The following LRRC4C variants were observed in gnomAD, a reference collection of about 807,000 sequenced individuals.
LRRC4C encodes the protein leucine rich repeat containing 4C, also known as leucine-rich repeat-containing protein 4C.
In LRRC4C, 5 loss-of-function variants were observed where a neutral mutation model predicts 33.6. That is an observed-to-expected ratio of 0.15 (90% CI 0.08 to 0.31). The LOEUF is 0.31. Among genes scored for constraint, LRRC4C ranks in the 10% least tolerant of loss-of-function variants. The pLI, the probability that LRRC4C is intolerant of heterozygous loss-of-function variation, is 1.00. For synonymous variants in LRRC4C, 329 were observed against 302.0 expected (o/e 1.09, Z -0.93); for missense variants, 560 against 796.7 (o/e 0.70, Z 3.58).
chr11:40,119,247 C>T (rs1180369889), intron 6 of LRRC4C, among the ~76,000 whole-genome samples: 6 of 152,178 alleles, frequency 3.9e-5, no homozygotes, highest in East Asian at 1.9e-4. Context: ...CTGTAAGGAA[C>T]GTTGGTCTTA....
chr11:40,358,140 G>A (rs1426421812), intron 3 of LRRC4C, among the ~76,000 whole-genome samples: 2 of 151,990 alleles, frequency 1.3e-5, no homozygotes, highest in Non-Finnish European at 2.9e-5. Context: ...CTGAGATTGT[G>A]CCACTGCACT....
rs528269311 is a variant in LRRC4C at position 40,736,716 on chromosome 11, C to T, written c.-406-88438G>A. Among the ~76,000 whole-genome samples, 14 of 152,096 alleles carry T rather than the reference C, an allele frequency of 9.2e-5. 1 individual carries two copies. Among genetic ancestry groups the T allele is most frequent in the South Asian group, 6.2e-4 (3 of 4,826 alleles). ...TTAATGGTCATCATTTTAACTGGTGCGAGATAGTATCTCATTGTGTTTTGA... is the reference window on the plus strand; with the variant it reads ...TTAATGGTCATCATTTTAACTGGTGTGAGATAGTATCTCATTGTGTTTTGA... On this transcript the variant is annotated intron_variant, in intron 2 of 6. Transcript: ENST00000528697.
intron 5 of LRRC4C, among the ~76,000 whole-genome samples, chr11:40,144,234 C>T (rs975094524): frequency 3.9e-5 from 6 of 152,006 alleles, no homozygotes; most frequent in African/African-American, 7.3e-5. Flanking sequence ...ATAATGGAAA[C>T]GATAATTATC....
At chr11:40,943,285 G>A (rs1174741037) in intron 1 of LRRC4C, among the ~76,000 whole-genome samples, 1 of 152,112 alleles carries the variant, frequency 6.6e-6, no homozygotes, top group East Asian at 1.9e-4. Context: ...TCACACCTTA[G>A]TATAGAGGAG....
At chr11:40,468,195 A>C (rs1952748991) in intron 3 of LRRC4C, among the ~76,000 whole-genome samples, 1 of 152,222 alleles carries the variant, frequency 6.6e-6, no homozygotes. Context: ...TAGGATATGT[A>C]TATGGATTAT....
At chr11:40,762,589 TA>T (rs1196897235) in intron 2 of LRRC4C, among the ~76,000 whole-genome samples, 1 of 152,130 alleles carries the variant, frequency 6.6e-6, no homozygotes, top group Admixed American at 6.6e-5. Flanking sequence ...TGTCATAGTA[TA>T]TGCCAACATG....
chr11:41,221,919 G>A (rs974993140), intron 1 of LRRC4C, among the ~76,000 whole-genome samples: 21 of 152,228 alleles, frequency 1.4e-4, no homozygotes, highest in African/African-American at 2.4e-4. Context: ...TCTAGGGCAC[G>A]CTACATCTTA....
At chr11:40,804,391 T>C (rs953916189) in intron 2 of LRRC4C, among the ~76,000 whole-genome samples, 1 of 152,188 alleles carries the variant, frequency 6.6e-6, no homozygotes, top group African/African-American at 2.4e-5. Flanking sequence ...TTCAAGAAAT[T>C]TGACTTTTCC....
intron 1 of LRRC4C, among the ~76,000 whole-genome samples, chr11:41,129,040 C>T (rs960203279): frequency 2.6e-5 from 4 of 151,934 alleles, no homozygotes; most frequent in Non-Finnish European, 4.4e-5. Flanking sequence ...AAACTCTTGA[C>T]AGATATTGCC....
At chr11:40,635,042 C>CT (rs1963834086) in intron 3 of LRRC4C, among the ~76,000 whole-genome samples, 1 of 151,936 alleles carries the variant, frequency 6.6e-6, no homozygotes, top group African/African-American at 2.4e-5. Context: ...CATGTTTACT[C>CT]TTTGACTTAC....
chr11:40,456,057 A>G (rs564090798), intron 3 of LRRC4C, among the ~76,000 whole-genome samples: 2 of 152,246 alleles, frequency 1.3e-5, no homozygotes, highest in Admixed American at 1.3e-4. Context: ...CTACTGGCAT[A>G]TGACTTCCTC....
chr11:40,320,967 T>C (rs1408014041), intron 3 of LRRC4C, among the ~76,000 whole-genome samples: 1 of 152,232 alleles, frequency 6.6e-6, no homozygotes, highest in Non-Finnish European at 1.5e-5. Flanking sequence ...TTGAGATTCA[T>C]GTATTACTTG....
At chr11:40,788,681 C>T (rs1950508861) in intron 2 of LRRC4C, among the ~76,000 whole-genome samples, 1 of 152,126 alleles carries the variant, frequency 6.6e-6, no homozygotes, top group Non-Finnish European at 1.5e-5. Flanking sequence ...ACATTTTTAA[C>T]AAAATCATTT....
intron 1 of LRRC4C, among the ~76,000 whole-genome samples, chr11:41,232,008 C>A (rs1947823706): frequency 6.6e-6 from 1 of 151,756 alleles, no homozygotes; most frequent in South Asian, 2.1e-4. Context: ...TCTATACCAC[C>A]ACTTTGAACT....
intron 4 of LRRC4C, among the ~76,000 whole-genome samples, chr11:40,297,927 T>G (rs1442126029): frequency 1.3e-5 from 2 of 152,226 alleles, no homozygotes; most frequent in Non-Finnish European, 2.9e-5. Context: ...CTACTATTAC[T>G]TATTGTGATG....
intron 1 of LRRC4C, among the ~76,000 whole-genome samples, chr11:40,961,951 T>C (rs1851005596): frequency 6.6e-6 from 1 of 151,524 alleles, no homozygotes; most frequent in Non-Finnish European, 1.5e-5. Context: ...TATATTTTTA[T>C]AGGAGCACAG....
intron 1 of LRRC4C, among the ~76,000 whole-genome samples, chr11:41,290,829 G>A (rs1207050385): frequency 6.6e-6 from 1 of 152,104 alleles, no homozygotes; most frequent in African/African-American, 2.4e-5. Flanking sequence ...ACAATCCAAT[G>A]AGAAGAAAAG....
intron 1 of LRRC4C, among the ~76,000 whole-genome samples, chr11:41,189,192 C>T (rs1356055123): frequency 6.6e-6 from 1 of 152,010 alleles, no homozygotes; most frequent in Non-Finnish European, 1.5e-5. Flanking sequence ...CTGTATTCTA[C>T]TGAGAGATAA....
intron 3 of LRRC4C, among the ~76,000 whole-genome samples, chr11:40,612,246 A>G (rs553154255): frequency 6.6e-6 from 1 of 152,060 alleles, no homozygotes; most frequent in South Asian, 2.1e-4. Context: ...TACTACATTG[A>G]TGAACCTTGA....
Sources: allele counts gnomAD v4.1 joint callset (sites outside exome capture counted in the v4.1 genomes callset), GRCh38; gene constraint gnomAD v4.1.1; transcripts MANE v1.5; gene names NCBI Gene and HGNC (gene_info 2026-07-23, HGNC 2026-07-21).